PCCB: variants seen among roughly 807,000 people sequenced by gnomAD.
PCCB encodes propionyl-CoA carboxylase beta chain, mitochondrial.
In PCCB, 43 loss-of-function variants were observed where a neutral mutation model predicts 60.7. The ratio of observed to expected loss-of-function variants is 0.71; its 90% CI spans 0.55 to 0.91. The LOEUF is 0.91. Among genes scored for constraint, PCCB ranks in the 40% least tolerant of loss-of-function variants. The pLI is 0.00. For synonymous variants in PCCB, 276 were observed against 255.9 expected (o/e 1.08, Z -0.75); for missense variants, 766 against 702.8 (o/e 1.09, Z -1.02).
chr3:136,278,086 A>G (rs915054802), intron 5 of PCCB, among the ~76,000 whole-genome samples: 1 of 152,196 alleles, frequency 6.6e-6, no homozygotes, highest in African/African-American at 2.4e-5. Context: ...GAGGTACAAT[A>G]AAGAATGGCT....
intron 7 of PCCB, 104 bp from the exon 8 acceptor site, chr3:136,297,848 G>C: frequency 8.0e-7 from 1 of 1,249,564 alleles, no homozygotes; most frequent in Non-Finnish European, 1.2e-6. Context: ...CTATCAGCAC[G>C]GTCTGCTACT....
rs1213957211 is a variant in PCCB at position 136,302,512 on chromosome 3, A to C, written c.966+1401A>C. The stretch of plus-strand genomic sequence containing the variant: ...CTACCTATTAAATACTCTTGTTTGT[A>C]ATTTTTTTCTGTCATTTATTTAGGG... On this transcript the variant is annotated intron_variant, in intron 9 of 14. Transcript: ENST00000251654. Among the ~76,000 whole-genome samples the C allele has an allele frequency of 3.0e-4, 36 of 119,894 alleles. 13 individuals are homozygous for C. The Admixed American group carries it at 3.5e-3, about 12-fold the overall frequency. 78.7% of individuals were successfully genotyped at this position (119,894 alleles called of 152,430 possible).
chr3:136,277,184 A>G (rs1942349844), intron 5 of PCCB, among the ~76,000 whole-genome samples: 1 of 152,200 alleles, frequency 6.6e-6, no homozygotes, highest in African/African-American at 2.4e-5. Context: ...GCTTTCTCGA[A>G]TGCTGGTTAT....
chr3:136,308,705 TCA>T (rs1934540104), intron 9 of PCCB, among the ~76,000 whole-genome samples: 2 of 152,156 alleles, frequency 1.3e-5, no homozygotes, highest in African/African-American at 4.8e-5. Flanking sequence ...AAAGAAAACA[TCA>T]TTAAATCCCA....
chr3:136,284,748 C>T lies in PCCB; in HGVS notation c.654+801C>T, dbSNP rs546087215. On this transcript the variant is annotated intron_variant, in intron 6 of 14. Coordinates refer to ENST00000251654, the MANE Select transcript of PCCB (RefSeq NM_000532.5). Reference sequence around the variant, plus strand: ...AACTATTCTGTTCTTAGTGATATACCGAAAGTAGTGTAAGTGTTCAACAAT... The same window carrying T: ...AACTATTCTGTTCTTAGTGATATACTGAAAGTAGTGTAAGTGTTCAACAAT... 5.3e-5 allele frequency among the ~76,000 whole-genome samples: 8 copies of T among 152,010 alleles called. No individual in the cohort carries two copies. The East Asian group carries it at 1.4e-3, about 26-fold the overall frequency.
At chr3:136,313,120 G>A (rs1560026297) in intron 9 of PCCB, among the ~76,000 whole-genome samples, 3 of 152,132 alleles carry the variant, frequency 2.0e-5, no homozygotes, top group South Asian at 4.1e-4. Flanking sequence ...GGAGAAGCAG[G>A]CACTCCTGTG....
intron 6 of PCCB, among the ~76,000 whole-genome samples, chr3:136,290,645 C>G (rs1049534694): frequency 8.1e-6 from 1 of 123,564 alleles, no homozygotes; most frequent in Non-Finnish European, 1.6e-5. Flanking sequence ...CAGGTGTGCA[C>G]CACTACACCT....
At chr3:136,280,847 G>A (rs1357543266) in intron 5 of PCCB, among the ~76,000 whole-genome samples, 1 of 152,062 alleles carries the variant, frequency 6.6e-6, no homozygotes, top group Non-Finnish European at 1.5e-5. Flanking sequence ...AGAGATCAGG[G>A]CTCACTATAT....
At chr3:136,302,854 C>T (rs1330432233) in intron 9 of PCCB, among the ~76,000 whole-genome samples, 3 of 121,662 alleles carry the variant, frequency 2.5e-5, no homozygotes, top group African/African-American at 7.5e-5. Flanking sequence ...GAGGCTAAGG[C>T]AGGAGGATCC....
intron 5 of PCCB, among the ~76,000 whole-genome samples, chr3:136,271,689 T>G (rs74599702): frequency 0.013 from 1,932 of 152,276 alleles, 35 homozygotes; most frequent in East Asian, 0.047. Flanking sequence ...CAGAGCTATT[T>G]ATTTGTCTAT....
At chr3:136,317,387 A>G (rs1934946631) in intron 10 of PCCB, among the ~76,000 whole-genome samples, 1 of 151,180 alleles carries the variant, frequency 6.6e-6, no homozygotes, top group South Asian at 2.1e-4. Flanking sequence ...ATACCTGACT[A>G]ATTTTCTTTT....
intron 1 of PCCB, among the ~76,000 whole-genome samples, chr3:136,253,000 G>GT (rs1170481445): frequency 2.5e-5 from 3 of 120,212 alleles, no homozygotes; most frequent in Non-Finnish European, 5.3e-5. Flanking sequence ...GTTTGTTTTT[G>GT]TTTTTTTCGG....
Position 136,272,054 on chromosome 3 carries a change from G to GT in PCCB, c.543+9995dup, listed in dbSNP as rs553465228. On this transcript the variant is annotated intron_variant, in intron 5 of 14. Coordinates refer to ENST00000251654, the MANE Select transcript of PCCB (RefSeq NM_000532.5). ...TATCCCTCCTATGCCTAGTTTGAGA[G>GT]TTTTTTGTCATAAAGAGATGCTGGA... 2.0e-3 allele frequency among the ~76,000 whole-genome samples: 306 copies of GT among 152,200 alleles called. 3 individuals are homozygous for GT. Among genetic ancestry groups the GT allele is most frequent in the African/African-American group, 7.1e-3 (294 of 41,528 alleles).
Position 136,330,020 on chromosome 3 carries a change from A to C in PCCB, c.1614A>C (p.Pro538=). ...CTTGGAGAAAACATGCAAATATTCC[A>C]TTGTAAACAAATCAAAGGAAAAGAA... ...QRPWRKHANI[P]L is the part of the protein sequence containing the mutation. Residue 538 remains proline, a synonymous_variant, in exon 15 of 15, where the codon CCA becomes CCC. Coordinates refer to ENST00000251654, the MANE Select transcript of PCCB (RefSeq NM_000532.5). 1 of 1,614,086 alleles carries C rather than the reference A, an allele frequency of 6.2e-7. No individual in the cohort carries two copies. Among genetic ancestry groups the C allele is most frequent in the Non-Finnish European group, 8.5e-7 (1 of 1,179,964 alleles).
chr3:136,278,761 A>T (rs1942398381), intron 5 of PCCB, among the ~76,000 whole-genome samples: 1 of 152,060 alleles, frequency 6.6e-6, no homozygotes, highest in Non-Finnish European at 1.5e-5. Context: ...AAGAATATAT[A>T]CTCTGTTGTT....
intron 5 of PCCB, among the ~76,000 whole-genome samples, chr3:136,268,084 G>GTGTATATATATATA (rs1560002278): frequency 3.3e-5 from 2 of 60,944 alleles, no homozygotes; most frequent in Non-Finnish European, 3.3e-5. Flanking sequence ...GTGTGTGTGT[G>GTGTATATATATATA]TAGATATATA....
At chr3:136,268,087 G>GATATATATATATATATATATATAT (rs61160895) in intron 5 of PCCB, among the ~76,000 whole-genome samples, 1 of 93,798 alleles carries the variant, frequency 1.1e-5, no homozygotes, top group Non-Finnish European at 2.1e-5. Flanking sequence ...TGTGTGTGTA[G>GATATATATATATATATATATATAT]ATATATATAT....
intron 6 of PCCB, among the ~76,000 whole-genome samples, chr3:136,292,481 A>G (rs1220464667): frequency 6.6e-6 from 1 of 152,244 alleles, no homozygotes; most frequent in African/African-American, 2.4e-5. Context: ...AGAGCACTGT[A>G]GTAATATTTA....
intron 5 of PCCB, among the ~76,000 whole-genome samples, chr3:136,262,873 G>A (rs1238088129): frequency 6.6e-6 from 1 of 152,052 alleles, no homozygotes; most frequent in Non-Finnish European, 1.5e-5. Flanking sequence ...CAGAGACGTG[G>A]TGATAAACCA....
Sources: gnomAD v4.1 joint callset for allele counts (sites outside exome capture counted in the v4.1 genomes callset) on GRCh38, gnomAD v4.1.1 for gene constraint, MANE v1.5 for transcripts, NCBI Gene and HGNC (gene_info 2026-07-23, HGNC 2026-07-21) for gene names.